SMIM24: variants seen among roughly 807,000 people sequenced by gnomAD.
The protein encoded by SMIM24 is small integral membrane protein 24, also known as MAP17-related dimer.
Under a neutral mutation model 10.8 loss-of-function variants are expected in SMIM24, and 6 were observed. That is an observed-to-expected ratio of 0.55 (90% CI 0.30 to 1.09). The LOEUF is 1.09. Among genes scored for constraint, SMIM24 ranks in the 50% least tolerant of loss-of-function variants. SMIM24 has a pLI of 0.06. For missense variants in SMIM24, 151 were observed against 153.4 expected (o/e 0.98, Z 0.08); for synonymous variants, 71 against 62.4 (o/e 1.14, Z -0.65).
In SMIM24 at chr19:3,474,146, GAA is replaced by G. The variant is rs1238375178; in HGVS notation, c.*695_*696del. The G allele has an allele frequency of 6.6e-6, 1 of 152,354 alleles. No individual in the cohort carries two copies. The highest frequency in any genetic ancestry group is 1.5e-5 in the Non-Finnish European group (1 of 68,196). The allele number at this position is 152,354 out of a possible 1,614,324, so 9.4% of individuals were successfully genotyped here. ...CCACCCTCCAAGATACAGCTCCCAGGAAAAAAGTCACGTGCCCCAAAACAAAG... is the reference window on the plus strand; with the variant it reads ...CCACCCTCCAAGATACAGCTCCCAGGAAAAGTCACGTGCCCCAAAACAAAG... On this transcript the variant is annotated 3_prime_UTR_variant, in exon 4 of 4. Transcript: ENST00000215531.
Position 3,474,775 on chromosome 19 carries a change from G to A in SMIM24, c.*68C>T, listed in dbSNP as rs1263737543. 5 of 1,509,392 alleles carry A rather than the reference G, an allele frequency of 3.3e-6. No individual in the cohort carries two copies. The highest frequency in any genetic ancestry group is 4.4e-6 in the Non-Finnish European group (5 of 1,128,622). The allele number at this position is 1,509,392 out of a possible 1,614,324, so 93.5% of individuals were successfully genotyped here. ...AGTCATTTCACGGGCTTCAAGTCCA[G>A]GGCACTGCTTTTAGGGGGCAGAAGA... is the stretch of plus-strand genomic sequence containing the variant. On this transcript the variant is annotated 3_prime_UTR_variant, in exon 4 of 4. Coordinates refer to ENST00000215531, the MANE Select transcript of SMIM24 (RefSeq NM_001136503.2).
Position 3,478,620 on chromosome 19 carries a change from G to A in SMIM24, c.180-142C>T. Reference sequence around the variant, plus strand: ...AACCCCAGGACGCAAGGAAGGGCTGGGCTGCCTGGCTCGTTGTCTTGGGGA... The same window carrying A: ...AACCCCAGGACGCAAGGAAGGGCTGAGCTGCCTGGCTCGTTGTCTTGGGGA... On this transcript the variant is annotated intron_variant, in intron 2 of 3. Coordinates refer to ENST00000215531, the MANE Select transcript of SMIM24 (RefSeq NM_001136503.2). 3.2e-6 allele frequency: 3 copies of A among 926,188 alleles called. No individual in the cohort carries two copies. The South Asian group carries it at 5.1e-5, about 16-fold the overall frequency. The allele number at this position is 926,188 out of a possible 1,614,324, so 57.4% of individuals were successfully genotyped here. A position where few individuals can be genotyped will look rare whatever the true frequency, so the allele number is the denominator to read the frequency against.
At chr19:3,478,359 C>A in intron 3 of SMIM24, 60 bp downstream of exon 3, 1 of 1,469,614 alleles carries the variant, frequency 6.8e-7, no homozygotes, top group Non-Finnish European at 9.2e-7. Flanking sequence ...TCTGCGCACA[C>A]CCATTCCCCC....
Position 3,474,821 on chromosome 19 carries a change from T to C in SMIM24, c.*22A>G, listed in dbSNP as rs774729189. 6.5e-7 allele frequency: 1 copy of C among 1,549,462 alleles called. No homozygotes were observed. The highest frequency in any genetic ancestry group is 1.2e-5 in the South Asian group (1 of 83,768). On this transcript the variant is annotated 3_prime_UTR_variant, in exon 4 of 4. Coordinates refer to ENST00000215531, the MANE Select transcript of SMIM24 (RefSeq NM_001136503.2). ...GAAGAGGCATCTCTGGGGGACTGCC[T>C]GGAAGAGGCAGCCAGGAATCTTCAC...
chr19:3,479,352 A>G (rs1377833408), intron 1 of SMIM24, among the ~76,000 whole-genome samples: 4 of 97,876 alleles, frequency 4.1e-5, no homozygotes, highest in Admixed American at 1.2e-4. Context: ...AGCTCAGGGG[A>G]GGGGCTTATG....
At position 3,474,606 on chromosome 19, in the gene SMIM24, A is replaced by T. The variant is rs528495908; in HGVS notation, c.*237T>A. The T allele has an allele frequency of 1.9e-6, 1 of 529,666 alleles. No individual in the cohort carries two copies. The highest frequency in any genetic ancestry group is 3.3e-6 in the Non-Finnish European group (1 of 301,170). 32.8% of individuals were successfully genotyped at this position (529,666 alleles called of 1,614,324 possible). ...CCTCAACCAGGGATGCTCTCCGAGT[A>T]TAAGAAGAATCACCAGGCAGGGACC... On this transcript the variant is annotated 3_prime_UTR_variant, in exon 4 of 4. Coordinates refer to ENST00000215531, the MANE Select transcript of SMIM24 (RefSeq NM_001136503.2).
intron 3 of SMIM24, 48 bp downstream of exon 3, chr19:3,478,371 C>CCA: frequency 6.6e-7 from 1 of 1,511,428 alleles, no homozygotes; most frequent in East Asian, 2.5e-5. Context: ...CATTCCCCCA[C>CCA]CCCGAGGAGG....
chr19:3,480,182 G>T (rs1452812399), intron 1 of SMIM24, among the ~76,000 whole-genome samples: 1 of 150,696 alleles, frequency 6.6e-6, no homozygotes, highest in African/African-American at 2.5e-5. Flanking sequence ...GAGGGGAAAG[G>T]CTCGGGTGGG....
At chr19:3,478,625 C>T in intron 2 of SMIM24, 147 bp from the exon 3 acceptor site, 1 of 922,706 alleles carries the variant, frequency 1.1e-6, no homozygotes, top group East Asian at 2.7e-5. Context: ...GGCTGGGCTG[C>T]CTGGCTCGTT....
intron 3 of SMIM24, among the ~76,000 whole-genome samples, chr19:3,477,264 G>A (rs1377863515): frequency 2.1e-5 from 2 of 95,986 alleles, no homozygotes; most frequent in South Asian, 1.1e-3. Flanking sequence ...TGGGGGATGG[G>A]TGAGTGGATG....
At position 3,480,483 on chromosome 19, in the gene SMIM24, A is replaced by G; in HGVS notation, c.-20T>C. The G allele has an allele frequency of 6.5e-7, 1 of 1,548,162 alleles. No homozygotes were observed. Among genetic ancestry groups the G allele is most frequent in the Non-Finnish European group, 8.7e-7 (1 of 1,145,890 alleles). On this transcript the variant is annotated 5_prime_UTR_variant, in exon 1 of 4. Transcript: ENST00000215531. ...CTCCATGACGGTCGAGTGAGCCAGC[A>G]GCCAGCCAGCGGCGGTCCCGGGTCG...
In SMIM24 at chr19:3,474,818, G is replaced by T. The variant is rs1310651770; in HGVS notation, c.*25C>A. 2.6e-6 allele frequency: 4 copies of T among 1,548,868 alleles called. No homozygotes were observed. In the South Asian group the frequency reaches 4.8e-5, roughly 18 times the overall value. On this transcript the variant is annotated 3_prime_UTR_variant, in exon 4 of 4. Coordinates refer to ENST00000215531, the MANE Select transcript of SMIM24 (RefSeq NM_001136503.2). ...GCAGAAGAGGCATCTCTGGGGGACT[G>T]CCTGGAAGAGGCAGCCAGGAATCTT...
rs186112671 is a variant in SMIM24, at chr19:3,474,832, G to A, written c.*11C>T. 1 of 1,550,170 alleles carries A rather than the reference G, an allele frequency of 6.5e-7. No individual in the cohort carries two copies. Among genetic ancestry groups the A allele is most frequent in the African/African-American group, 1.4e-5 (1 of 72,986 alleles). On this transcript the variant is annotated 3_prime_UTR_variant, in exon 4 of 4. Transcript: ENST00000215531. ...TCTGGGGGACTGCCTGGAAGAGGCA[G>A]CCAGGAATCTTCACATGACTGTGCT...
chr19:3,475,493 C>T (rs951526958), intron 3 of SMIM24, among the ~76,000 whole-genome samples: 3 of 138,902 alleles, frequency 2.2e-5, no homozygotes, highest in African/African-American at 8.3e-5. Context: ...ACTGGATGAA[C>T]GGGTGGATGG....
At position 3,474,884 on chromosome 19, in the gene SMIM24, C is replaced by T. The variant is rs1051233161; in HGVS notation, c.352G>A (p.Glu118Lys). The change falls in exon 4 of 4, where the codon GAG (glutamate) becomes AAG (lysine). Residue 118 changes from glutamate (E) to lysine (K), a missense_variant. Transcript: ENST00000215531. ...TTTGCTCTCTCATGGTCTCCGGGCT[C>T]TTTTTCCTCCAGATCCAGTCCCAAG... ...SNLGLDLEEK[E>K]PGDHERAKST... The T allele has an allele frequency of 6.4e-6, 10 of 1,551,562 alleles. No individual in the cohort carries two copies. In the East Asian group the frequency reaches 2.2e-4, roughly 34 times the overall value.
In SMIM24 at chr19:3,474,806, C is replaced by T. The variant is rs1327883633; in HGVS notation, c.*37G>A. On this transcript the variant is annotated 3_prime_UTR_variant, in exon 4 of 4. Coordinates refer to ENST00000215531, the MANE Select transcript of SMIM24 (RefSeq NM_001136503.2). ...TGCTTTTAGGGGGCAGAAGAGGCAT[C>T]TCTGGGGGACTGCCTGGAAGAGGCA... 1.9e-6 allele frequency: 3 copies of T among 1,544,260 alleles called. No individual in the cohort carries two copies. Among genetic ancestry groups the T allele is most frequent in the African/African-American group, 2.8e-5 (2 of 72,528 alleles).
intron 1 of SMIM24, among the ~76,000 whole-genome samples, chr19:3,479,829 G>A (rs1483681297): frequency 2.0e-5 from 3 of 147,878 alleles, no homozygotes; most frequent in Non-Finnish European, 4.5e-5. Context: ...GACTCGGGGA[G>A]GGGTTTATAA....
At chr19:3,479,373 T>G (rs35660775) in intron 1 of SMIM24, among the ~76,000 whole-genome samples, 2 of 125,978 alleles carry the variant, frequency 1.6e-5, no homozygotes, top group Admixed American at 7.8e-5. Flanking sequence ...AAGGAGGAGG[T>G]GGCTCAGATG....
In SMIM24 at chr19:3,474,631, C is replaced by G. The variant is rs1251266293; in HGVS notation, c.*212G>C. On this transcript the variant is annotated 3_prime_UTR_variant, in exon 4 of 4. Transcript: ENST00000215531. The stretch of plus-strand genomic sequence containing the variant: ...ATAAGAAGAATCACCAGGCAGGGAC[C>G]AAGCTCAGGAAGAGGGGTGCATGAA... 3.4e-6 allele frequency: 2 copies of G among 583,256 alleles called. No individual in the cohort carries two copies. Among genetic ancestry groups the G allele is most frequent in the African/African-American group, 3.7e-5 (2 of 53,814 alleles). 36.1% of individuals were successfully genotyped at this position (583,256 alleles called of 1,614,324 possible).
Sources: allele counts gnomAD v4.1 joint callset (sites outside exome capture counted in the v4.1 genomes callset), GRCh38; gene constraint gnomAD v4.1.1; transcripts MANE v1.5; gene names NCBI Gene and HGNC (gene_info 2026-07-23, HGNC 2026-07-21).